Variants in RALGAPA2 observed in about 807,000 individuals in gnomAD.
RALGAPA2 encodes Ral GTPase activating protein catalytic subunit alpha 2.
Under a neutral mutation model 230.4 loss-of-function variants are expected in RALGAPA2, and 139 were observed. The ratio of observed to expected loss-of-function variants is 0.60; its 90% confidence interval spans 0.53 to 0.69. The LOEUF is 0.69. RALGAPA2 is among the 30% of genes least tolerant of loss of function. RALGAPA2 has a pLI of 0.00. For missense variants in RALGAPA2, 2,163 were observed against 2,276.0 expected (o/e 0.95, Z 1.01); for synonymous variants, 847 against 837.8 (o/e 1.01, Z -0.19).
At chr20:20,497,075 C>A (rs2062229956) in intron 35 of RALGAPA2, among the ~76,000 whole-genome samples, 3 of 152,274 alleles carry the variant, frequency 2.0e-5, no homozygotes, top group Non-Finnish European at 4.4e-5. Flanking sequence ...TCCTCCTTCC[C>A]ACATAAAAGT....
chr20:20,707,692 T>C (rs2069662058), intron 1 of RALGAPA2, among the ~76,000 whole-genome samples: 1 of 152,098 alleles, frequency 6.6e-6, no homozygotes, highest in Non-Finnish European at 1.5e-5. Context: ...TACTCTCTGG[T>C]CCAAACCCAG....
chr20:20,515,434 C>T (rs893536486), intron 31 of RALGAPA2, among the ~76,000 whole-genome samples: 1 of 152,208 alleles, frequency 6.6e-6, no homozygotes, highest in Non-Finnish European at 1.5e-5. Flanking sequence ...CAAGAATCCA[C>T]AGATCCTTTG....
At chr20:20,650,587 T>G (rs1273021336) in intron 4 of RALGAPA2, among the ~76,000 whole-genome samples, 1 of 152,146 alleles carries the variant, frequency 6.6e-6, no homozygotes, top group Non-Finnish European at 1.5e-5. Context: ...AGTATAGGAG[T>G]GTCCTCCCTA....
Position 20,406,870 on chromosome 20 carries a change from C to A in RALGAPA2, c.5617+5157G>T, listed in dbSNP as rs533544941. On this transcript the variant is annotated intron_variant, in intron 38 of 39. Transcript: ENST00000202677. ...AAGGATGCAGTGGGCTGTGCTCACA[C>A]CAATGCAATCCAGGCCTGGGCGACA... Among the ~76,000 whole-genome samples the A allele has an allele frequency of 3.2e-3, 489 of 152,292 alleles. 3 individuals carry two copies. Among genetic ancestry groups the A allele is most frequent in the African/African-American group, 0.011 (461 of 41,556 alleles).
intron 1 of RALGAPA2, among the ~76,000 whole-genome samples, chr20:20,706,550 C>T (rs73124448): frequency 1.7e-3 from 264 of 152,268 alleles, no homozygotes; most frequent in Admixed American, 3.7e-3. Flanking sequence ...GCAATGAACA[C>T]TAAAACACCG....
chr20:20,595,840 C>T (rs142123654), intron 16 of RALGAPA2, among the ~76,000 whole-genome samples: 10 of 151,922 alleles, frequency 6.6e-5, no homozygotes, highest in East Asian at 3.9e-4. Context: ...CCTGGCTACT[C>T]GGGAGGCTGA....
chr20:20,613,259 G>A (rs908459492), intron 13 of RALGAPA2, among the ~76,000 whole-genome samples: 3 of 152,182 alleles, frequency 2.0e-5, no homozygotes, highest in Admixed American at 6.5e-5. Context: ...ACTTCTGTTG[G>A]AGCACATGGA....
chr20:20,635,337 T>C lies in RALGAPA2; in HGVS notation c.1005+81A>G. 4 of 1,407,208 alleles carry C rather than the reference T, an allele frequency of 2.8e-6. No homozygotes were observed. The South Asian group carries it at 5.0e-5, about 17-fold the overall frequency. The allele number at this position is 1,407,208 out of a possible 1,614,324, so 87.2% of individuals were successfully genotyped here. On this transcript the variant is annotated intron_variant, in intron 9 of 39. Coordinates refer to ENST00000202677, the MANE Select transcript of RALGAPA2 (RefSeq NM_020343.4). ...AACAACTTGTAAGAACCAATAACTCTAACAATCAATAACTTTGGCTATGTT... is the reference window on the plus strand; with the variant it reads ...AACAACTTGTAAGAACCAATAACTCCAACAATCAATAACTTTGGCTATGTT...
intron 36 of RALGAPA2, among the ~76,000 whole-genome samples, chr20:20,479,099 A>G (rs760294286): frequency 5.9e-5 from 9 of 152,198 alleles, no homozygotes; most frequent in Non-Finnish European, 1.2e-4. Context: ...ATGATATATA[A>G]AAGCTATAAT....
chr20:20,393,647 G>A (rs2059643884), intron 39 of RALGAPA2, among the ~76,000 whole-genome samples: 1 of 152,290 alleles, frequency 6.6e-6, no homozygotes, highest in African/African-American at 2.4e-5. Flanking sequence ...CAGATCCCTG[G>A]CGGTGTTCCT....
At chr20:20,675,655 A>G (rs2068294190) in intron 3 of RALGAPA2, among the ~76,000 whole-genome samples, 1 of 152,192 alleles carries the variant, frequency 6.6e-6, no homozygotes. Flanking sequence ...GTCAAAAACC[A>G]CACCCAAACA....
At chr20:20,529,956 A>T (rs1409135283) in intron 27 of RALGAPA2, among the ~76,000 whole-genome samples, 1 of 152,272 alleles carries the variant, frequency 6.6e-6, no homozygotes, top group Non-Finnish European at 1.5e-5. Context: ...AAGAAAAAAT[A>T]AAAATTCAAA....
Position 20,524,484 on chromosome 20 carries a change from G to A in RALGAPA2, c.3822C>T (p.Val1274=). Residue 1274 remains valine, a synonymous_variant, in exon 30 of 40, where the codon GTC becomes GTT. Coordinates refer to ENST00000202677, the MANE Select transcript of RALGAPA2 (RefSeq NM_020343.4). ...CTGCTGTGGACACGGGGTGGAGAAG[G>A]ACACTCACGGGCAATGCCATGCACC... The part of the protein sequence containing the change: ...LDWCMALPVS[V]LLHPVSTAVL... 1 of 1,613,924 alleles carries A rather than the reference G, an allele frequency of 6.2e-7. No homozygotes were observed. Among genetic ancestry groups the A allele is most frequent in the Non-Finnish European group, 8.5e-7 (1 of 1,179,854 alleles).
chr20:20,473,521 C>A (rs2061584226), intron 36 of RALGAPA2, among the ~76,000 whole-genome samples: 1 of 152,058 alleles, frequency 6.6e-6, no homozygotes, highest in African/African-American at 2.4e-5. Flanking sequence ...CTCCTTCTCT[C>A]ACCCAAACTG....
At chr20:20,676,156 T>C in intron 3 of RALGAPA2, 80 bp downstream of exon 3, 1 of 1,006,148 alleles carries the variant, frequency 9.9e-7, no homozygotes, top group Non-Finnish European at 1.4e-6. Flanking sequence ...TTTTTATTTG[T>C]CTTCAAATAA....
At chr20:20,660,070 C>A in intron 3 of RALGAPA2, 1 of 175,790 alleles carries the variant, frequency 5.7e-6, no homozygotes, top group Non-Finnish European at 1.2e-5. Flanking sequence ...CGTGGTGAAA[C>A]CCAGTCTCTA....
At chr20:20,696,974 A>C (rs2069137815) in intron 1 of RALGAPA2, among the ~76,000 whole-genome samples, 1 of 152,152 alleles carries the variant, frequency 6.6e-6, no homozygotes, top group African/African-American at 2.4e-5. Flanking sequence ...GGCCTCAAGC[A>C]ATCCACCTGC....
chr20:20,588,186 C>T (rs938328198), intron 18 of RALGAPA2, among the ~76,000 whole-genome samples: 9 of 152,100 alleles, frequency 5.9e-5, no homozygotes, highest in Non-Finnish European at 1.2e-4. Context: ...TACATGGCTA[C>T]AGTTTTCACA....
At chr20:20,598,934 T>G (rs2273216) in intron 16 of RALGAPA2, 6,158 of 352,972 alleles carry the variant, frequency 0.017, 245 homozygotes, top group East Asian at 0.15. Context: ...TTTAAACTTT[T>G]AAACTTTAAA....
Sources: gnomAD v4.1 joint callset for allele counts (sites outside exome capture counted in the v4.1 genomes callset) on GRCh38, gnomAD v4.1.1 for gene constraint, MANE v1.5 for transcripts, NCBI Gene and HGNC (gene_info 2026-07-23, HGNC 2026-07-21) for gene names.